The following MEIKIN variants were observed in gnomAD, a reference collection of about 807,000 sequenced individuals.
MEIKIN encodes meiosis-specific kinetochore protein.
chr5:131,809,560 G>A (rs1772912932), intron 12 of MEIKIN, among the ~76,000 whole-genome samples: 1 of 152,148 alleles, frequency 6.6e-6, no homozygotes, highest in East Asian at 1.9e-4. Flanking sequence ...TGTAATCCCA[G>A]CACTTTGGGA....
chr5:131,935,163 G>T (rs1195285202), intron 4 of MEIKIN, among the ~76,000 whole-genome samples: 1 of 150,818 alleles, frequency 6.6e-6, no homozygotes, highest in Non-Finnish European at 1.5e-5. Flanking sequence ...CGGCACAGTG[G>T]CTCATGCCTG....
chr5:131,868,705 A>T (rs1347272847), intron 9 of MEIKIN, among the ~76,000 whole-genome samples: 4 of 142,374 alleles, frequency 2.8e-5, no homozygotes, highest in Non-Finnish European at 3.0e-5. Context: ...CCCGACAGGG[A>T]TTCTGTCTCT....
At chr5:131,841,207 A>C (rs1277043940) in intron 11 of MEIKIN, among the ~76,000 whole-genome samples, 2 of 152,082 alleles carry the variant, frequency 1.3e-5, no homozygotes, top group African/African-American at 2.4e-5. Flanking sequence ...AAGGTTAGGA[A>C]CTTACTGCAC....
chr5:131,830,661 G>T (rs1749699784), intron 11 of MEIKIN, among the ~76,000 whole-genome samples: 1 of 152,114 alleles, frequency 6.6e-6, no homozygotes, highest in Admixed American at 6.5e-5. Flanking sequence ...AATGACAATT[G>T]GTCCAAAATG....
chr5:131,837,051 G>A (rs543664678), intron 11 of MEIKIN, among the ~76,000 whole-genome samples: 1 of 152,254 alleles, frequency 6.6e-6, no homozygotes, highest in Non-Finnish European at 1.5e-5. Context: ...TTTACACATG[G>A]TGTAAGGAAG....
Position 131,871,180 on chromosome 5 carries a change from G to A in MEIKIN, c.774+7798C>T, listed in dbSNP as rs528230794. On this transcript the variant is annotated intron_variant, in intron 9 of 12. Coordinates refer to ENST00000442687, the MANE Select transcript of MEIKIN (RefSeq NM_001303622.2). Reference sequence around the variant, plus strand: ...GGACAGTGGGTGCAGTGCACCGTGCGCAAGCCGAAGCAGGGCAAGGAATCA... The same window carrying A: ...GGACAGTGGGTGCAGTGCACCGTGCACAAGCCGAAGCAGGGCAAGGAATCA... Among the ~76,000 whole-genome samples the A allele has an allele frequency of 1.9e-3, 282 of 152,328 alleles. 1 individual carries two copies. Among genetic ancestry groups the A allele is most frequent in the Middle Eastern group, 3.4e-3 (1 of 294 alleles).
intron 8 of MEIKIN, among the ~76,000 whole-genome samples, chr5:131,888,970 G>A (rs556246252): frequency 2.6e-5 from 4 of 152,170 alleles, no homozygotes; most frequent in African/African-American, 7.2e-5. Flanking sequence ...AATAGGAAAT[G>A]TTTTTCCCAT....
intron 4 of MEIKIN, among the ~76,000 whole-genome samples, chr5:131,940,133 A>G (rs974003093): frequency 6.6e-6 from 1 of 152,254 alleles, no homozygotes; most frequent in Non-Finnish European, 1.5e-5. Flanking sequence ...ATAGAGTGCC[A>G]CAGAACTACC....
chr5:131,822,406 A>T, intron 11 of MEIKIN, among the ~76,000 whole-genome samples: 1 of 150,532 alleles, frequency 6.6e-6, no homozygotes, highest in Non-Finnish European at 1.5e-5. Context: ...AGTGAAGATG[A>T]TTTGCTCTTG....
At chr5:131,872,897 T>C (rs899862732) in intron 9 of MEIKIN, among the ~76,000 whole-genome samples, 3 of 152,164 alleles carry the variant, frequency 2.0e-5, no homozygotes, top group African/African-American at 7.2e-5. Flanking sequence ...CCAGCCAAAC[T>C]AAGCTTCATA....
intron 10 of MEIKIN, among the ~76,000 whole-genome samples, chr5:131,852,036 T>C (rs551836456): frequency 1.3e-5 from 2 of 152,266 alleles, no homozygotes; most frequent in Admixed American, 6.5e-5. Flanking sequence ...AGATAATAAA[T>C]GGAAATAAAT....
intron 11 of MEIKIN, among the ~76,000 whole-genome samples, chr5:131,828,364 T>C (rs772627257): frequency 2.6e-5 from 4 of 152,110 alleles, no homozygotes; most frequent in Non-Finnish European, 5.9e-5. Flanking sequence ...GATTTCACCA[T>C]GTTGCCCAGG....
intron 4 of MEIKIN, among the ~76,000 whole-genome samples, chr5:131,937,104 T>C (rs1751792757): frequency 6.6e-6 from 1 of 152,170 alleles, no homozygotes; most frequent in Non-Finnish European, 1.5e-5. Context: ...CCTAAGAAAT[T>C]CACATATTTC....
chr5:131,865,103 T>C (rs893398994), intron 9 of MEIKIN, among the ~76,000 whole-genome samples: 4 of 152,198 alleles, frequency 2.6e-5, no homozygotes, highest in Admixed American at 1.3e-4. Context: ...CTTTGGTAAA[T>C]TTCTCATTTG....
At chr5:131,844,480 C>G (rs1749974960) in intron 11 of MEIKIN, among the ~76,000 whole-genome samples, 1 of 152,144 alleles carries the variant, frequency 6.6e-6, no homozygotes, top group African/African-American at 2.4e-5. Context: ...CAGTACCCAG[C>G]AGACTGCCTG....
At chr5:131,864,491 T>C (rs1202849076) in intron 9 of MEIKIN, among the ~76,000 whole-genome samples, 1 of 152,246 alleles carries the variant, frequency 6.6e-6, no homozygotes, top group African/African-American at 2.4e-5. Flanking sequence ...ACAAATTTGC[T>C]GTATATAGTA....
rs2149654408 is a variant in MEIKIN at position 131,937,919 on chromosome 5, ATC to A, written c.350-4280_350-4279del. 2.0e-5 allele frequency among the ~76,000 whole-genome samples: 3 copies of A among 152,048 alleles called. No homozygotes were observed. In the East Asian group the frequency reaches 5.8e-4, roughly 29 times the overall value. On this transcript the variant is annotated intron_variant, in intron 4 of 12. Coordinates refer to ENST00000442687, the MANE Select transcript of MEIKIN (RefSeq NM_001303622.2). ...GCACCGTCCAAACTTGGCTCTCAGT[ATC>A]TCTGTTCATACTATTCAGAATCTGA...
At chr5:131,900,181 G>A (rs1751130939) in intron 8 of MEIKIN, among the ~76,000 whole-genome samples, 1 of 152,194 alleles carries the variant, frequency 6.6e-6, no homozygotes, top group Non-Finnish European at 1.5e-5. Flanking sequence ...TAACAAGAGG[G>A]AAGAGGGAGG....
chr5:131,902,413 A>T (rs964341492), intron 8 of MEIKIN, among the ~76,000 whole-genome samples: 2 of 151,984 alleles, frequency 1.3e-5, no homozygotes, highest in Admixed American at 6.6e-5. Flanking sequence ...AGCCTGGGTG[A>T]CAGAGTGAGA....
Sources: allele counts gnomAD v4.1 joint callset (sites outside exome capture counted in the v4.1 genomes callset), GRCh38; gene constraint gnomAD v4.1.1; transcripts MANE v1.5; gene names NCBI Gene and HGNC (gene_info 2026-07-23, HGNC 2026-07-21).